Variants in CSMD1 observed in about 807,000 individuals in gnomAD.
The protein encoded by CSMD1 is CUB and sushi domain-containing protein 1.
CSMD1 carries 213 observed loss-of-function variants against 417.5 expected under a neutral mutation model. That is an observed-to-expected ratio of 0.51 (90% CI 0.46 to 0.57). The LOEUF (loss-of-function observed/expected upper bound fraction) is 0.57, where lower values mean the gene tolerates loss of function less well. Among genes scored for constraint, CSMD1 ranks in the 20% least tolerant of loss-of-function variants. CSMD1 has a pLI of 0.00. For synonymous variants in CSMD1, 2,862 were observed against 1,736.8 expected, an observed-to-expected ratio of 1.65 and a Z score of -16.11; for missense variants, 6,923 against 4,529.7, an observed-to-expected ratio of 1.53 and a Z score of -15.17.
intron 3 of CSMD1, among the ~76,000 whole-genome samples, chr8:4,128,490 A>C (rs936773264): frequency 4.0e-5 from 6 of 150,666 alleles, no homozygotes; most frequent in Admixed American, 4.0e-4. Context: ...AAAATTTAAA[A>C]CAACCAAACA....
At chr8:4,499,654 GTATGT>G (rs1320433165) in intron 2 of CSMD1, among the ~76,000 whole-genome samples, 2 of 152,218 alleles carry the variant, frequency 1.3e-5, no homozygotes, top group Non-Finnish European at 2.9e-5. Flanking sequence ...CTGCGAGTAG[GTATGT>G]TATAAATATC....
chr8:4,772,150 G>C (rs1796632499), intron 1 of CSMD1, among the ~76,000 whole-genome samples: 2 of 152,010 alleles, frequency 1.3e-5, no homozygotes, highest in Admixed American at 6.6e-5. Context: ...TCAGTTCCTT[G>C]TGGTGGTAGG....
intron 2 of CSMD1, among the ~76,000 whole-genome samples, chr8:4,445,716 G>C (rs1482139304): frequency 6.6e-6 from 1 of 152,148 alleles, no homozygotes; most frequent in African/African-American, 2.4e-5. Context: ...TTTCTATTTG[G>C]GGGCGTAACG....
At chr8:3,564,851 T>G (rs1171631904) in intron 10 of CSMD1, among the ~76,000 whole-genome samples, 1 of 151,740 alleles carries the variant, frequency 6.6e-6, no homozygotes, top group Admixed American at 6.6e-5. Context: ...AAGTTGCAAC[T>G]GTTAAGCAGC....
chr8:4,587,128 T>A (rs1169821421), intron 2 of CSMD1, among the ~76,000 whole-genome samples: 2 of 152,194 alleles, frequency 1.3e-5, no homozygotes, highest in Non-Finnish European at 2.9e-5. Context: ...AGGTGCGCTC[T>A]CTTCTTCCAC....
intron 5 of CSMD1, among the ~76,000 whole-genome samples, chr8:3,803,012 T>G (rs757940323): frequency 6.6e-6 from 1 of 152,224 alleles, no homozygotes; most frequent in African/African-American, 2.4e-5. Context: ...CCTTTTGTAA[T>G]GATAAGAACA....
At chr8:4,815,494 G>A (rs1015841309) in intron 1 of CSMD1, among the ~76,000 whole-genome samples, 3 of 151,642 alleles carry the variant, frequency 2.0e-5, no homozygotes, top group Non-Finnish European at 4.4e-5. Context: ...TCAGGAGATC[G>A]AGACCAGCCT....
chr8:4,166,280 A>T (rs945410231), intron 3 of CSMD1, among the ~76,000 whole-genome samples: 1 of 152,210 alleles, frequency 6.6e-6, no homozygotes, highest in Non-Finnish European at 1.5e-5. Flanking sequence ...CATAAACATA[A>T]AAGTTCTTAA....
At chr8:4,831,337 G>A (rs984251994) in intron 1 of CSMD1, among the ~76,000 whole-genome samples, 10 of 152,060 alleles carry the variant, frequency 6.6e-5, no homozygotes, top group African/African-American at 2.2e-4. Context: ...AGCAATTACT[G>A]CAATACCTTA....
rs1798449900 is a variant in CSMD1 at position 4,441,107 on chromosome 8, T to TTTTTTTTTTTTTTTTTTTTTG, written c.303-21043_303-21042insCAAAAAAAAAAAAAAAAAAAA. On this transcript the variant is annotated intron_variant, in intron 2 of 69. Transcript: ENST00000635120. ...CGTTAATCAAAAGGTTTTTTTTTTT[T>TTTTTTTTTTTTTTTTTTTTTG]TTTTTTTTTTTAAGAGATAGGGTCT... is the stretch of plus-strand genomic sequence containing the variant. Among the ~76,000 whole-genome samples the TTTTTTTTTTTTTTTTTTTTTG allele has an allele frequency of 4.8e-5, 6 of 125,072 alleles. No homozygotes were observed. The South Asian group carries it at 1.3e-3, about 26-fold the overall frequency. 82.1% of individuals were successfully genotyped at this position (125,072 alleles called of 152,430 possible).
intron 44 of CSMD1, 32 bp downstream of exon 44, chr8:3,108,571 A>G (rs1585370250): frequency 1.9e-6 from 3 of 1,608,738 alleles, no homozygotes; most frequent in Non-Finnish European, 2.6e-6. Context: ...TGGAATTCTC[A>G]GTCTTAACTA....
At chr8:4,171,920 T>C (rs1449883057) in intron 3 of CSMD1, among the ~76,000 whole-genome samples, 1 of 152,204 alleles carries the variant, frequency 6.6e-6, no homozygotes. Flanking sequence ...TAAATTATGT[T>C]TCTCGCAATA....
intron 1 of CSMD1, among the ~76,000 whole-genome samples, chr8:4,662,124 T>C (rs927295218): frequency 6.6e-6 from 1 of 152,172 alleles, no homozygotes; most frequent in Non-Finnish European, 1.5e-5. Context: ...TCTTTTCTAA[T>C]AGATTGCAGT....
chr8:4,541,694 C>G (rs1797395981), intron 2 of CSMD1, among the ~76,000 whole-genome samples: 1 of 151,992 alleles, frequency 6.6e-6, no homozygotes, highest in South Asian at 2.1e-4. Context: ...AAGATCTTAC[C>G]ACTGCATTCC....
intron 1 of CSMD1, among the ~76,000 whole-genome samples, chr8:4,935,010 C>A (rs1807512902): frequency 6.6e-6 from 1 of 152,198 alleles, no homozygotes; most frequent in African/African-American, 2.4e-5. Flanking sequence ...TCTATCTATA[C>A]ATATCTATCT....
intron 3 of CSMD1, among the ~76,000 whole-genome samples, chr8:4,288,922 A>G (rs1563395327): frequency 6.6e-6 from 1 of 152,310 alleles, no homozygotes; most frequent in South Asian, 2.1e-4. Flanking sequence ...CTCATTCCAT[A>G]TATAACATTA....
intron 1 of CSMD1, among the ~76,000 whole-genome samples, chr8:4,705,604 T>C (rs1807883966): frequency 6.6e-6 from 1 of 152,244 alleles, no homozygotes; most frequent in South Asian, 2.1e-4. Context: ...CAGATATTTT[T>C]GACTCATCTT....
intron 1 of CSMD1, among the ~76,000 whole-genome samples, chr8:4,909,053 C>T (rs1805491577): frequency 6.6e-6 from 1 of 152,144 alleles, no homozygotes; most frequent in Non-Finnish European, 1.5e-5. Context: ...AGGACTTTAG[C>T]ATGAAGATTT....
chr8:3,220,430 A>T lies in CSMD1; in HGVS notation c.4485-988T>A, dbSNP rs115523655. ...CCATTGGTGATGTGTAGGCTGATAG[A>T]GTCTCTGAGCTTTAAAACTACGCAC... On this transcript the variant is annotated intron_variant, in intron 28 of 69. Transcript: ENST00000635120. Among the ~76,000 whole-genome samples, 349 of 152,304 alleles carry T rather than the reference A, an allele frequency of 2.3e-3. 1 individual carries two copies. The highest frequency in any genetic ancestry group is 7.4e-3 in the African/African-American group (309 of 41,574).
Sources: allele counts gnomAD v4.1 joint callset (sites outside exome capture counted in the v4.1 genomes callset), GRCh38; gene constraint gnomAD v4.1.1; transcripts MANE v1.5; gene names NCBI Gene and HGNC (gene_info 2026-07-23, HGNC 2026-07-21).